PEBP4: variants seen among roughly 807,000 people sequenced by gnomAD.
PEBP4 encodes phosphatidylethanolamine binding protein 4.
PEBP4 carries 22 observed loss-of-function variants against 23.9 expected under a neutral mutation model. The ratio of observed to expected loss-of-function variants is 0.92; its 90% CI spans 0.66 to 1.31. PEBP4 has a LOEUF of 1.31. Ranked by LOEUF, PEBP4 falls within the 40% of genes most tolerant of loss-of-function variation. The pLI is 0.00. For synonymous variants in PEBP4, 112 were observed against 99.3 expected, an observed-to-expected ratio of 1.13 and a Z score of -0.76; for missense variants, 324 against 281.7, an observed-to-expected ratio of 1.15 and a Z score of -1.07.
At chr8:22,839,545 T>A (rs958267091) in intron 3 of PEBP4, among the ~76,000 whole-genome samples, 1 of 152,214 alleles carries the variant, frequency 6.6e-6, no homozygotes, top group East Asian at 1.9e-4. Context: ...AATGAATGGG[T>A]TACTACAACA....
At chr8:22,866,973 G>A (rs1807916820) in intron 3 of PEBP4, among the ~76,000 whole-genome samples, 3 of 152,150 alleles carry the variant, frequency 2.0e-5, no homozygotes, top group South Asian at 2.1e-4. Flanking sequence ...CTGTGCAAAG[G>A]ATCGGCAGGA....
chr8:22,729,385 G>A (rs560447300), intron 4 of PEBP4, among the ~76,000 whole-genome samples: 6 of 152,356 alleles, frequency 3.9e-5, no homozygotes, highest in East Asian at 3.9e-4. Flanking sequence ...AGCAACCTAA[G>A]CTGGCTGTTT....
chr8:22,803,738 T>C (rs1806437728), intron 4 of PEBP4, among the ~76,000 whole-genome samples: 1 of 152,072 alleles, frequency 6.6e-6, no homozygotes, highest in Non-Finnish European at 1.5e-5. Context: ...AGCTTGAGAC[T>C]CCCCCTTGTC....
chr8:22,768,971 G>A (rs994642338), intron 4 of PEBP4, among the ~76,000 whole-genome samples: 2 of 152,194 alleles, frequency 1.3e-5, no homozygotes, highest in African/African-American at 2.4e-5. Context: ...TAGGAGCTGG[G>A]CAGAGTGGGT....
intron 4 of PEBP4, among the ~76,000 whole-genome samples, chr8:22,728,706 TCCTG>T (rs1804675482): frequency 6.6e-6 from 1 of 151,940 alleles, no homozygotes; most frequent in African/African-American, 2.4e-5. Flanking sequence ...CAAGCGATTC[TCCTG>T]CCTCAACTTC....
intron 4 of PEBP4, among the ~76,000 whole-genome samples, chr8:22,811,605 C>T (rs1026292940): frequency 6.6e-6 from 1 of 152,178 alleles, no homozygotes; most frequent in Non-Finnish European, 1.5e-5. Context: ...ATAGGCCTGG[C>T]TGTCACTTGC....
At chr8:22,764,926 G>T (rs1236973880) in intron 4 of PEBP4, among the ~76,000 whole-genome samples, 1 of 152,094 alleles carries the variant, frequency 6.6e-6, no homozygotes, top group Non-Finnish European at 1.5e-5. Flanking sequence ...CTGGCCATGA[G>T]GACCAGTGGG....
chr8:22,791,618 G>C (rs181112069), intron 4 of PEBP4, among the ~76,000 whole-genome samples: 1 of 152,106 alleles, frequency 6.6e-6, no homozygotes, highest in Non-Finnish European at 1.5e-5. Flanking sequence ...CATATTTTAC[G>C]TACAAACACA....
chr8:22,778,337 C>T (rs1384239979), intron 4 of PEBP4, among the ~76,000 whole-genome samples: 1 of 152,196 alleles, frequency 6.6e-6, no homozygotes, highest in East Asian at 1.9e-4. Context: ...CCGGAAGATG[C>T]CCCACTTAGT....
chr8:22,804,895 C>A (rs920187672), intron 4 of PEBP4, among the ~76,000 whole-genome samples: 1 of 152,172 alleles, frequency 6.6e-6, no homozygotes, highest in Admixed American at 6.5e-5. Flanking sequence ...CTGGAACACG[C>A]CAGCTCCTTC....
chr8:22,776,790 C>T (rs950214274), intron 4 of PEBP4, among the ~76,000 whole-genome samples: 6 of 148,032 alleles, frequency 4.1e-5, no homozygotes, highest in Non-Finnish European at 6.0e-5. Flanking sequence ...ATCGGGCATC[C>T]GAGATATTGG....
rs1361508006 is a variant in PEBP4, at chr8:22,927,585, G to A, written c.130C>T (p.Gln44Ter). The A allele has an allele frequency of 1.2e-6, 2 of 1,609,244 alleles. No individual in the cohort carries two copies. The highest frequency in any genetic ancestry group is 1.7e-6 in the Non-Finnish European group (2 of 1,177,756). The change falls in exon 2 of 7, where the codon CAG becomes TAG. Residue 44 changes from glutamine (Q) to a stop codon, truncating the protein, a stop_gained and splice_region_variant. Transcript: ENST00000256404. LOFTEE classifies it high-confidence loss of function. ...GCCTCCAAGCCTGCCCTGACTTACT[G>A]GCAAAAGAGGGTGTCCTCGTCCAAG... ...ALLDEDTLFC[Q>*]GLEVFYPELG...
At chr8:22,940,552 A>G (rs7818557) in intron 1 of PEBP4, among the ~76,000 whole-genome samples, 104,547 of 147,388 alleles carry the variant, frequency 0.71, 37,251 homozygotes, top group African/African-American at 0.76. Context: ...GCAGCAGCAC[A>G]ATCATGGCTC....
intron 3 of PEBP4, among the ~76,000 whole-genome samples, chr8:22,823,607 C>G (rs1806906517): frequency 6.6e-6 from 1 of 151,510 alleles, no homozygotes; most frequent in Non-Finnish European, 1.5e-5. Flanking sequence ...AAAATACACA[C>G]CAAACTGTTA....
rs117896768 is a variant in PEBP4, at chr8:22,926,299, A to G, written c.131+1285T>C. On this transcript the variant is annotated intron_variant, in intron 2 of 6. Coordinates refer to ENST00000256404, the MANE Select transcript of PEBP4 (RefSeq NM_144962.3). ...CCTACACCCAGAACTATTTAACAAGATTTTTCAAAATATACTGACACGAAC... is the reference window on the plus strand; with the variant it reads ...CCTACACCCAGAACTATTTAACAAGGTTTTTCAAAATATACTGACACGAAC... 6.8e-3 allele frequency among the ~76,000 whole-genome samples: 1,039 copies of G among 151,762 alleles called. 4 individuals are homozygous for G. Among genetic ancestry groups the G allele is most frequent in the Non-Finnish European group, 0.011 (774 of 67,968 alleles).
At chr8:22,735,337 T>C (rs183500234) in intron 4 of PEBP4, among the ~76,000 whole-genome samples, 57 of 152,210 alleles carry the variant, frequency 3.7e-4, no homozygotes, top group African/African-American at 1.3e-3. Flanking sequence ...TATGGGGCCT[T>C]GAAGGATATA....
intron 4 of PEBP4, among the ~76,000 whole-genome samples, chr8:22,750,139 T>C (rs1805222271): frequency 6.8e-6 from 1 of 147,968 alleles, no homozygotes; most frequent in Admixed American, 6.8e-5. Context: ...TCTCGCTCCA[T>C]TGCCCAGGCT....
intron 4 of PEBP4, among the ~76,000 whole-genome samples, chr8:22,774,616 C>G (rs1805779646): frequency 6.6e-6 from 1 of 152,178 alleles, no homozygotes; most frequent in Non-Finnish European, 1.5e-5. Context: ...CGAGTCCCCT[C>G]CACCTGGCAA....
At chr8:22,826,591 G>T (rs1371556648) in intron 3 of PEBP4, among the ~76,000 whole-genome samples, 1 of 152,148 alleles carries the variant, frequency 6.6e-6, no homozygotes, top group Non-Finnish European at 1.5e-5. Context: ...AAACCATGAG[G>T]ATCTCTAAGA....
Sources: gnomAD v4.1 joint callset for allele counts (sites outside exome capture counted in the v4.1 genomes callset) on GRCh38, gnomAD v4.1.1 for gene constraint, MANE v1.5 for transcripts, NCBI Gene and HGNC (gene_info 2026-07-23, HGNC 2026-07-21) for gene names.